The following CNOT4 variants were observed in gnomAD, a reference collection of about 807,000 sequenced individuals.
The protein encoded by CNOT4 is CCR4-NOT transcription complex subunit 4.
Under a neutral mutation model 73.8 loss-of-function variants are expected in CNOT4, and 8 were observed. That is an observed-to-expected ratio of 0.11 (90% confidence interval 0.06 to 0.20). The LOEUF is 0.20. Ranked by LOEUF, CNOT4 falls within the 10% of genes least tolerant of loss-of-function variation. CNOT4 has a pLI of 1.00. For synonymous variants in CNOT4, 293 were observed against 321.1 expected, an observed-to-expected ratio of 0.91 and a Z score of 0.94; for missense variants, 564 against 883.4, an observed-to-expected ratio of 0.64 and a Z score of 4.58.
At chr7:135,413,649 C>A in intron 5 of CNOT4, 36 bp from the exon 6 acceptor site, 1 of 1,592,666 alleles carries the variant, frequency 6.3e-7, no homozygotes, top group South Asian at 1.1e-5. Context: ...AAAGAAGACT[C>A]AATGTGAACT....
intron 10 of CNOT4, chr7:135,388,727 A>C: frequency 6.4e-7 from 1 of 1,557,148 alleles, no homozygotes; most frequent in Non-Finnish European, 8.7e-7. Flanking sequence ...TCATAAAGGA[A>C]TCATGCAAAA....
At chr7:135,487,517 G>A (rs1167816709) in intron 1 of CNOT4, among the ~76,000 whole-genome samples, 1 of 152,090 alleles carries the variant, frequency 6.6e-6, no homozygotes, top group African/African-American at 2.4e-5. Context: ...TGGGACTACA[G>A]ATGTGAGTCA....
At chr7:135,390,780 T>C (rs1007960026) in intron 10 of CNOT4, among the ~76,000 whole-genome samples, 2 of 152,176 alleles carry the variant, frequency 1.3e-5, no homozygotes. Context: ...GTATGACATG[T>C]AGGTGACTGC....
intron 1 of CNOT4, among the ~76,000 whole-genome samples, chr7:135,492,872 A>G (rs1452373726): frequency 6.6e-6 from 1 of 152,216 alleles, no homozygotes; most frequent in African/African-American, 2.4e-5. Context: ...AAGAGGTCAC[A>G]GTATTAGAGG....
chr7:135,415,341 C>T lies in CNOT4; in HGVS notation c.373-79G>A. ...TCCTTATAATGGAGACATTCATCAT[C>T]CCTCTTCAGCAAAAGGAAAAAGATA... On this transcript the variant is annotated intron_variant, in intron 3 of 11. Coordinates refer to ENST00000541284, the MANE Select transcript of CNOT4 (RefSeq NM_001190850.2). 1.2e-5 allele frequency: 8 copies of T among 673,578 alleles called. No individual in the cohort carries two copies. In the South Asian group the frequency reaches 1.6e-4, roughly 14 times the overall value. 41.7% of individuals were successfully genotyped at this position (673,578 alleles called of 1,614,324 possible).
At chr7:135,420,305 A>G (rs1230827333) in intron 3 of CNOT4, among the ~76,000 whole-genome samples, 1 of 151,612 alleles carries the variant, frequency 6.6e-6, no homozygotes, top group Non-Finnish European at 1.5e-5. Context: ...GGTTGGGCGC[A>G]GTGGCTCATA....
At chr7:135,475,971 A>T (rs975232293) in intron 1 of CNOT4, among the ~76,000 whole-genome samples, 1 of 152,174 alleles carries the variant, frequency 6.6e-6, no homozygotes, top group Non-Finnish European at 1.5e-5. Context: ...TAAAGTTGCT[A>T]TGTAGAAAAT....
chr7:135,387,556 T>TC, intron 10 of CNOT4: 12 of 970,764 alleles, frequency 1.2e-5, no homozygotes, highest in Non-Finnish European at 1.5e-5. Context: ...CTTTCATACT[T>TC]TTTTTTTTAA....
In CNOT4 at chr7:135,362,025, T is replaced by C. The variant is rs1161747615; in HGVS notation, c.*860A>G. The C allele has an allele frequency of 6.5e-6, 1 of 152,730 alleles. No individual in the cohort carries two copies. The highest frequency in any genetic ancestry group is 2.4e-5 in the African/African-American group (1 of 41,426). The allele number at this position is 152,730 out of a possible 1,614,324, so 9.5% of individuals were successfully genotyped here. ...TGGTGATCAGATGGCCCCAGAGCAGTGCTATCTCAGAGTGCCCTCGTCAGG... is the reference window on the plus strand; with the variant it reads ...TGGTGATCAGATGGCCCCAGAGCAGCGCTATCTCAGAGTGCCCTCGTCAGG... On this transcript the variant is annotated 3_prime_UTR_variant, in exon 12 of 12. Transcript: ENST00000541284.
intron 2 of CNOT4, among the ~76,000 whole-genome samples, chr7:135,437,290 C>T (rs914849038): frequency 2.6e-5 from 4 of 152,016 alleles, no homozygotes; most frequent in East Asian, 1.9e-4. Flanking sequence ...TCCGGGTTCA[C>T]GCCATTCTCC....
At chr7:135,398,996 AC>A (rs1233451045) in intron 7 of CNOT4, among the ~76,000 whole-genome samples, 1 of 152,136 alleles carries the variant, frequency 6.6e-6, no homozygotes, top group Non-Finnish European at 1.5e-5. Context: ...TCAAACAAAA[AC>A]ATTAACATTT....
chr7:135,476,250 G>C (rs1801987775), intron 1 of CNOT4, among the ~76,000 whole-genome samples: 1 of 152,116 alleles, frequency 6.6e-6, no homozygotes. Flanking sequence ...ATAACCATGA[G>C]AAAGGAAGAG....
At chr7:135,441,322 A>G (rs1799467519) in intron 1 of CNOT4, among the ~76,000 whole-genome samples, 1 of 152,056 alleles carries the variant, frequency 6.6e-6, no homozygotes, top group African/African-American at 2.4e-5. Flanking sequence ...AAATTAAATT[A>G]CTTCTCACTT....
rs1794746286 is a variant in CNOT4 at position 135,363,411 on chromosome 7, A to T, written c.1841-225T>A. On this transcript the variant is annotated intron_variant, in intron 11 of 11. Coordinates refer to ENST00000541284, the MANE Select transcript of CNOT4 (RefSeq NM_001190850.2). This position sits in a 1 kb window ranked among gnomAD's most constrained non-coding sequence, Gnocchi z 4.3. ...GAACTAGACTTAGTCCCCCACTGTC[A>T]CAGAGGCAGAGCTGCAAAACACCAT... Among the ~76,000 whole-genome samples, 1 of 152,210 alleles carries T rather than the reference A, an allele frequency of 6.6e-6. No individual in the cohort carries two copies. The highest frequency in any genetic ancestry group is 1.9e-4 in the East Asian group (1 of 5,206).
At chr7:135,451,137 C>G (rs1800135257) in intron 1 of CNOT4, among the ~76,000 whole-genome samples, 1 of 151,960 alleles carries the variant, frequency 6.6e-6, no homozygotes, top group Admixed American at 6.5e-5. Context: ...TTTGCAATAG[C>G]AAAAAATTGG....
chr7:135,421,181 T>G (rs1001592816), intron 3 of CNOT4, among the ~76,000 whole-genome samples: 1 of 152,170 alleles, frequency 6.6e-6, no homozygotes, highest in Non-Finnish European at 1.5e-5. Flanking sequence ...TTAACTATTT[T>G]TTAAATTAAT....
Position 135,497,736 on chromosome 7 carries a change from T to C in CNOT4, c.-93+12153A>G, listed in dbSNP as rs547094446. ...AAAACACTTGATAATCATTTTCTAT[T>C]GTATCCATACAGGTTCATTTTCCAT... On this transcript the variant is annotated intron_variant, in intron 1 of 11. Coordinates refer to ENST00000541284, the MANE Select transcript of CNOT4 (RefSeq NM_001190850.2). Among the ~76,000 whole-genome samples the C allele has an allele frequency of 5.3e-5, 8 of 152,362 alleles. No homozygotes were observed. In the South Asian group the frequency reaches 1.2e-3, roughly 24 times the overall value.
chr7:135,405,225 T>C (rs1797214645), intron 7 of CNOT4, among the ~76,000 whole-genome samples: 1 of 152,138 alleles, frequency 6.6e-6, no homozygotes, highest in African/African-American at 2.4e-5. Context: ...ACTGAGGATA[T>C]TAAATGAACA....
intron 1 of CNOT4, among the ~76,000 whole-genome samples, chr7:135,468,372 A>G (rs1801358151): frequency 1.3e-5 from 2 of 151,744 alleles, no homozygotes; most frequent in African/African-American, 4.8e-5. Context: ...AGCCATGAAG[A>G]ACTCTACCAA....
Sources: allele counts gnomAD v4.1 joint callset (sites outside exome capture counted in the v4.1 genomes callset), GRCh38; gene constraint gnomAD v4.1.1; non-coding constraint Gnocchi (gnomAD v3.1); transcripts MANE v1.5; gene names NCBI Gene and HGNC (gene_info 2026-07-23, HGNC 2026-07-21).